The following PEAK1 variants were observed in gnomAD, a reference collection of about 807,000 sequenced individuals.
The protein encoded by PEAK1 is pseudopodium enriched atypical kinase 1, also known as inactive tyrosine-protein kinase PEAK1.
A neutral mutation model predicts 124.7 loss-of-function variants in PEAK1; 54 were observed. The ratio of observed to expected loss-of-function variants is 0.43; its 90% CI spans 0.35 to 0.54. The LOEUF (loss-of-function observed/expected upper bound fraction) is 0.54. Among genes scored for constraint, PEAK1 ranks in the 20% least tolerant of loss-of-function variants. The pLI is 0.01. For synonymous variants in PEAK1, 719 were observed against 760.0 expected (o/e 0.95, Z 0.89); for missense variants, 2,046 against 2,134.5 (o/e 0.96, Z 0.82).
chr15:77,296,549 G>A (rs1406603276), intron 2 of PEAK1, among the ~76,000 whole-genome samples: 1 of 151,676 alleles, frequency 6.6e-6, no homozygotes. Flanking sequence ...AGGAGGCGGA[G>A]GTTGAAGTGA....
At chr15:77,345,868 C>T (rs779403883) in intron 2 of PEAK1, 3 of 947,554 alleles carry the variant, frequency 3.2e-6, no homozygotes, top group Non-Finnish European at 3.8e-6. Context: ...ATATGTACAA[C>T]AATTACATAT....
chr15:77,348,965 A>T (rs1020350547), intron 2 of PEAK1: 13 of 944,980 alleles, frequency 1.4e-5, no homozygotes, highest in African/African-American at 3.6e-5. Context: ...ATAGAGATTT[A>T]AAGCCTTTCT....
chr15:77,273,448 A>C (rs1456668774), intron 5 of PEAK1, among the ~76,000 whole-genome samples: 2 of 152,214 alleles, frequency 1.3e-5, no homozygotes, highest in Non-Finnish European at 2.9e-5. Context: ...TATACAAATC[A>C]GTAGCCCTGC....
intron 6 of PEAK1, among the ~76,000 whole-genome samples, chr15:77,189,602 A>G (rs756679642): frequency 4.6e-5 from 7 of 152,180 alleles, no homozygotes; most frequent in Non-Finnish European, 7.3e-5. Flanking sequence ...ACAGGCATAA[A>G]CTTAGCTAGT....
At chr15:77,155,184 T>C (rs1426901519) in intron 8 of PEAK1, 3 of 152,352 alleles carry the variant, frequency 2.0e-5, no homozygotes, top group Middle Eastern at 3.4e-3. Context: ...TGTTCATTTC[T>C]TTTTATTCTT....
At chr15:77,197,356 A>C (rs547040485) in intron 6 of PEAK1, among the ~76,000 whole-genome samples, 1 of 152,320 alleles carries the variant, frequency 6.6e-6, no homozygotes, top group African/African-American at 2.4e-5. Flanking sequence ...ATCTTGCCTA[A>C]AAACAAGAGG....
rs147461295 is a variant in PEAK1 at position 77,262,714 on chromosome 15, G to C, written c.-274-10188C>G. On this transcript the variant is annotated intron_variant, in intron 5 of 9. Coordinates refer to ENST00000682557, the MANE Select transcript of PEAK1 (RefSeq NM_001385026.1). Reference sequence around the variant, plus strand: ...ACCAACGAGACAGAAAGTTAACAAGGATACGCAGGAATTGAACTCAGCTCT... The same window carrying C: ...ACCAACGAGACAGAAAGTTAACAAGCATACGCAGGAATTGAACTCAGCTCT... Among the ~76,000 whole-genome samples, 31 of 151,574 alleles carry C rather than the reference G, an allele frequency of 2.0e-4. No homozygotes were observed. The East Asian group carries it at 5.8e-3, about 28-fold the overall frequency.
At chr15:77,346,677 A>G (rs1026498389) in intron 2 of PEAK1, 1 of 984,054 alleles carries the variant, frequency 1.0e-6, no homozygotes, top group African/African-American at 1.7e-5. Context: ...TTGCAAAAAC[A>G]TTAATTGTAT....
At chr15:77,324,764 ACT>A (rs1342164597) in intron 2 of PEAK1, among the ~76,000 whole-genome samples, 1 of 151,976 alleles carries the variant, frequency 6.6e-6, no homozygotes, top group Non-Finnish European at 1.5e-5. Flanking sequence ...TCTTGCAAGA[ACT>A]CTCTCACTAT....
At chr15:77,279,317 G>A (rs966180995) in intron 5 of PEAK1, among the ~76,000 whole-genome samples, 22 of 152,086 alleles carry the variant, frequency 1.4e-4, no homozygotes, top group Non-Finnish European at 3.2e-4. Context: ...GATACACAGG[G>A]CCTCCTTGGC....
intron 6 of PEAK1, among the ~76,000 whole-genome samples, chr15:77,198,913 C>T (rs2058231988): frequency 6.6e-6 from 1 of 152,096 alleles, no homozygotes; most frequent in Non-Finnish European, 1.5e-5. Context: ...AGGATATCTG[C>T]CTGAGCAGGC....
At chr15:77,202,768 C>CA (rs776272925) in intron 6 of PEAK1, among the ~76,000 whole-genome samples, 4,090 of 136,082 alleles carry the variant, frequency 0.03, 160 homozygotes, top group African/African-American at 0.095. Context: ...GACTCCATCT[C>CA]AAAAAAAAAA....
chr15:77,203,511 C>T (rs988427434), intron 6 of PEAK1, among the ~76,000 whole-genome samples: 17 of 151,990 alleles, frequency 1.1e-4, no homozygotes, highest in Non-Finnish European at 2.4e-4. Flanking sequence ...ACTGACATTA[C>T]CCAACTTCAA....
intron 1 of PEAK1, chr15:77,419,094 T>TC (rs2073132959): frequency 1.0e-6 from 1 of 985,394 alleles, no homozygotes; most frequent in Non-Finnish European, 1.2e-6. Flanking sequence ...CACTACCCCC[T>TC]CAACGTCAGC....
At chr15:77,404,279 T>C in intron 1 of PEAK1, 1 of 985,442 alleles carries the variant, frequency 1.0e-6, no homozygotes, top group African/African-American at 1.7e-5. Flanking sequence ...CCAGAATACC[T>C]GCAAAGTGAT....
intron 9 of PEAK1, among the ~76,000 whole-genome samples, chr15:77,118,469 G>T (rs1220891472): frequency 6.6e-6 from 1 of 151,510 alleles, no homozygotes; most frequent in African/African-American, 2.4e-5. Flanking sequence ...CAAATTTCTA[G>T]TTCAAAAGTT....
intron 6 of PEAK1, among the ~76,000 whole-genome samples, chr15:77,225,818 C>T (rs1596714038): frequency 6.8e-6 from 1 of 146,018 alleles, no homozygotes; most frequent in South Asian, 2.1e-4. Flanking sequence ...TATGACGAAA[C>T]ACACAGTCAT....
At chr15:77,266,332 A>G (rs1262670229) in intron 5 of PEAK1, among the ~76,000 whole-genome samples, 1 of 152,156 alleles carries the variant, frequency 6.6e-6, no homozygotes, top group Non-Finnish European at 1.5e-5. Flanking sequence ...CTAGGTATTT[A>G]CTCCACAGAG....
chr15:77,170,305 AAAAG>A (rs2056419359), intron 7 of PEAK1, among the ~76,000 whole-genome samples: 1 of 152,204 alleles, frequency 6.6e-6, no homozygotes, highest in South Asian at 2.1e-4. Context: ...AAATGAAAAA[AAAAG>A]AGAGGACCAA....
Sources: gnomAD v4.1 joint callset for allele counts (sites outside exome capture counted in the v4.1 genomes callset) on GRCh38, gnomAD v4.1.1 for gene constraint, MANE v1.5 for transcripts, NCBI Gene and HGNC (gene_info 2026-07-23, HGNC 2026-07-21) for gene names.